CUX1: variants seen among roughly 807,000 people sequenced by gnomAD.
CUX1 encodes the protein protein CASP.
A neutral mutation model predicts 158.8 loss-of-function variants in CUX1; 31 were observed. That is an observed-to-expected ratio of 0.20 (90% confidence interval 0.15 to 0.26). CUX1 has a LOEUF of 0.26. Among genes scored for constraint, CUX1 ranks in the 10% least tolerant of loss-of-function variants. The pLI is 1.00. For missense variants in CUX1, 1,589 were observed against 2,014.6 expected (o/e 0.79, Z 4.04); for synonymous variants, 879 against 862.1 (o/e 1.02, Z -0.34).
chr7:102,158,424 C>A, intron 8 of CUX1, 136 bp from the exon 9 acceptor site: 1 of 720,766 alleles, frequency 1.4e-6, no homozygotes, highest in Non-Finnish European at 2.4e-6. Flanking sequence ...GTGAGCCCAC[C>A]TCCTCCTGCT....
intron 3 of CUX1, among the ~76,000 whole-genome samples, chr7:102,050,426 T>C (rs1823354954): frequency 6.6e-6 from 1 of 152,144 alleles, no homozygotes; most frequent in Admixed American, 6.5e-5. Context: ...CTCTGTCCCA[T>C]CCACACTCCA....
intron 21 of CUX1, among the ~76,000 whole-genome samples, chr7:102,233,231 G>C (rs1339574160): frequency 1.4e-5 from 2 of 144,836 alleles, no homozygotes. Context: ...TGTTGCCCAG[G>C]CTGGAGTGCA....
downstream of CUX1, chr7:102,258,348 T>A: frequency 4.4e-6 from 1 of 228,700 alleles, no homozygotes; most frequent in African/African-American, 2.3e-5. Context: ...TCGTCCCCTT[T>A]GCACCTGTCC....
intron 1 of CUX1, among the ~76,000 whole-genome samples, chr7:101,892,982 A>G (rs1489547596): frequency 1.3e-5 from 2 of 151,914 alleles, no homozygotes; most frequent in South Asian, 2.1e-4. Context: ...CTCTTGTTCT[A>G]TTACTAGAAA....
intron 8 of CUX1, among the ~76,000 whole-genome samples, chr7:102,132,678 T>TGCTTTGC (rs200061213): frequency 1.8e-5 from 2 of 113,382 alleles, no homozygotes; most frequent in Non-Finnish European, 3.6e-5. Flanking sequence ...TTCTTTGCTT[T>TGCTTTGC]TCTTTTTTTT....
At position 101,928,616 on chromosome 7, in the gene CUX1, G is replaced by T. The variant is rs546418477; in HGVS notation, c.141+12391G>T. On this transcript the variant is annotated intron_variant, in intron 2 of 23. Coordinates refer to ENST00000292535, the MANE Select transcript of CUX1 (RefSeq NM_181552.4). Reference sequence around the variant, plus strand: ...CCTGACCTTGTGATCTGCCCGCCTCGGCCTCCCAAAGTGCTGGGATTCTAG... The same window carrying T: ...CCTGACCTTGTGATCTGCCCGCCTCTGCCTCCCAAAGTGCTGGGATTCTAG... Among the ~76,000 whole-genome samples the T allele has an allele frequency of 2.0e-3, 302 of 150,114 alleles. 1 individual carries two copies. Among genetic ancestry groups the T allele is most frequent in the African/African-American group, 7.0e-3 (285 of 40,868 alleles).
intron 2 of CUX1, among the ~76,000 whole-genome samples, chr7:101,971,704 C>T (rs1811974121): frequency 6.6e-6 from 1 of 152,184 alleles, no homozygotes; most frequent in Non-Finnish European, 1.5e-5. Context: ...GAAAGCACAG[C>T]TCCTCTGGTG....
intron 2 of CUX1, among the ~76,000 whole-genome samples, chr7:101,969,359 CAAAAAAAAAA>C (rs10711703): frequency 7.1e-5 from 4 of 56,118 alleles, no homozygotes; most frequent in Admixed American, 4.2e-4. Flanking sequence ...CAAAAAACAG[CAAAAAAAAAA>C]AAAAAAAAAA....
chr7:102,121,193 G>T (rs1831991263), intron 8 of CUX1, among the ~76,000 whole-genome samples: 1 of 152,068 alleles, frequency 6.6e-6, no homozygotes, highest in Non-Finnish European at 1.5e-5. Flanking sequence ...TTTGAGATAG[G>T]GTCTCTGTTA....
intron 2 of CUX1, among the ~76,000 whole-genome samples, chr7:101,946,483 G>A (rs1292706442): frequency 6.8e-6 from 1 of 146,446 alleles, no homozygotes; most frequent in African/African-American, 2.5e-5. Context: ...GGTGGAGGTT[G>A]CAGTGAGCCA....
chr7:101,873,682 C>T (rs941031586), intron 1 of CUX1, among the ~76,000 whole-genome samples: 1 of 152,184 alleles, frequency 6.6e-6, no homozygotes, highest in Non-Finnish European at 1.5e-5. Flanking sequence ...TTCCCGAGTT[C>T]AAGCGATTCT....
At chr7:102,158,958 C>T (rs1405237913) in intron 9 of CUX1, among the ~76,000 whole-genome samples, 1 of 152,226 alleles carries the variant, frequency 6.6e-6, no homozygotes, top group Non-Finnish European at 1.5e-5. Flanking sequence ...ATGGAATTAT[C>T]CTCGGAGAGT....
chr7:102,079,897 G>A (rs1200392164), intron 4 of CUX1, among the ~76,000 whole-genome samples: 1 of 152,140 alleles, frequency 6.6e-6, no homozygotes, highest in Non-Finnish European at 1.5e-5. Flanking sequence ...GGACGAGGCT[G>A]TATGCTCTGT....
Position 101,861,183 on chromosome 7 carries a change from A to G in CUX1, c.30+43514A>G, listed in dbSNP as rs570589456. Among the ~76,000 whole-genome samples the G allele has an allele frequency of 7.2e-5, 11 of 151,962 alleles. No individual in the cohort carries two copies. In the East Asian group the frequency reaches 2.1e-3, roughly 29 times the overall value. ...AGCCACCCTGCTCCTTCGAACCCACATTTCTGCCCCGTGTCTGCTGGTCGC... is the reference window on the plus strand; with the variant it reads ...AGCCACCCTGCTCCTTCGAACCCACGTTTCTGCCCCGTGTCTGCTGGTCGC... On this transcript the variant is annotated intron_variant, in intron 1 of 23. Coordinates refer to ENST00000292535, the MANE Select transcript of CUX1 (RefSeq NM_181552.4).
chr7:101,892,272 C>T (rs1191844991), intron 1 of CUX1, among the ~76,000 whole-genome samples: 2 of 152,192 alleles, frequency 1.3e-5, no homozygotes, highest in African/African-American at 4.8e-5. Flanking sequence ...TGGTGTAATG[C>T]TTTAGCACAT....
At chr7:102,217,122 C>T (rs2132233224) in intron 20 of CUX1, among the ~76,000 whole-genome samples, 1 of 152,292 alleles carries the variant, frequency 6.6e-6, no homozygotes, top group South Asian at 2.1e-4. Flanking sequence ...TATGGATCTG[C>T]AGAAAAGCCG....
chr7:101,984,521 T>G (rs1814025542), intron 2 of CUX1, among the ~76,000 whole-genome samples: 1 of 147,328 alleles, frequency 6.8e-6, no homozygotes, highest in Non-Finnish European at 1.5e-5. Context: ...AAAAAAGTGC[T>G]TGCAGTGAGA....
intron 8 of CUX1, among the ~76,000 whole-genome samples, chr7:102,120,320 T>A (rs782144708): frequency 6.6e-5 from 10 of 152,360 alleles, no homozygotes; most frequent in Non-Finnish European, 8.8e-5. Context: ...ACAGTCAGCT[T>A]CTTGCATTCC....
chr7:102,131,115 A>G (rs1470400419), intron 8 of CUX1, among the ~76,000 whole-genome samples: 2 of 152,104 alleles, frequency 1.3e-5, no homozygotes, highest in Non-Finnish European at 2.9e-5. Flanking sequence ...TCTCAAAAAA[A>G]AAAAAAAAAA....
Sources: gnomAD v4.1 joint callset for allele counts (sites outside exome capture counted in the v4.1 genomes callset) on GRCh38, gnomAD v4.1.1 for gene constraint, MANE v1.5 for transcripts, NCBI Gene and HGNC (gene_info 2026-07-23, HGNC 2026-07-21) for gene names.